The following SETX variants were observed in gnomAD, a reference collection of about 807,000 sequenced individuals.
SETX encodes helicase senataxin.
Under a neutral mutation model 227.2 loss-of-function variants are expected in SETX, and 90 were observed. The ratio of observed to expected loss-of-function variants is 0.40; its 90% CI spans 0.33 to 0.47. The LOEUF (loss-of-function observed/expected upper bound fraction) is 0.47. Ranked by LOEUF, SETX falls within the 20% of genes least tolerant of loss-of-function variation. The probability of loss-of-function intolerance (pLI) is 0.91; values close to 1 mark genes in which losing one functional copy is unlikely to be tolerated. For missense variants in SETX, 3,052 were observed against 3,181.5 expected, an observed-to-expected ratio of 0.96 and a Z score of 0.98; for synonymous variants, 1,210 against 1,113.2, an observed-to-expected ratio of 1.09 and a Z score of -1.73.
In SETX at chr9:132,296,903, T is replaced by C. The variant is rs752500112; in HGVS notation, c.5933A>G (p.Tyr1978Cys). ...GKSKTIVGLL[Y>C]RLLTENQRKG... ...CATACCTACCTCTGTCAGTAGACGA[T>C]AGAGGAGGCCAACAATAGTTTTTGA... The change falls in exon 14 of 26, where the codon TAT (tyrosine) becomes TGT (cysteine). Residue 1978 changes from tyrosine to cysteine, a missense_variant. Tyr to Cys is a radical substitution (Grantham distance 194, BLOSUM62 -2). Transcript: ENST00000224140. 1.1e-5 allele frequency: 17 copies of C among 1,613,950 alleles called. No homozygotes were observed. The highest frequency in any genetic ancestry group is 1.0e-4 in the Admixed American group (6 of 60,000).
chr9:132,325,373 AAAAG>A lies in SETX; in HGVS notation c.5274+947_5274+950del, dbSNP rs535430429. ...TCGTCTCAAAAAAAAGAAAAAAGAA[AAAAG>A]AAAGAAAGAAACTGGGAAGTCTGAC... is the stretch of plus-strand genomic sequence containing the variant. On this transcript the variant is annotated intron_variant, in intron 10 of 25. Coordinates refer to ENST00000224140, the MANE Select transcript of SETX (RefSeq NM_015046.7). 4.0e-4 allele frequency among the ~76,000 whole-genome samples: 61 copies of A among 151,054 alleles called. 1 individual carries two copies. The South Asian group carries it at 6.7e-3, about 17-fold the overall frequency.
intron 19 of SETX, among the ~76,000 whole-genome samples, chr9:132,282,596 C>A (rs1487314850): frequency 1.3e-5 from 2 of 152,074 alleles, no homozygotes; most frequent in Non-Finnish European, 2.9e-5. Flanking sequence ...AGGCCCTTTT[C>A]AAAACTTTGT....
intron 10 of SETX, among the ~76,000 whole-genome samples, chr9:132,322,083 C>T (rs902626960): frequency 6.6e-6 from 1 of 152,168 alleles, no homozygotes; most frequent in African/African-American, 2.4e-5. Flanking sequence ...CTTCAGATCA[C>T]GTTTGCCTTC....
rs1418134531 is a variant in SETX, at chr9:132,263,181, A to AT, written c.*1057dup. On this transcript the variant is annotated 3_prime_UTR_variant, in exon 26 of 26. Transcript: ENST00000224140. ...TTCTGAACTCCTCTGGTTACGCTTC[A>AT]TTTTAAATCGGGTGCTTCTTTCCCG... 1 of 152,236 alleles carries AT rather than the reference A, an allele frequency of 6.6e-6. No individual in the cohort carries two copies. Among genetic ancestry groups the AT allele is most frequent in the Non-Finnish European group, 1.5e-5 (1 of 68,046 alleles). 9.4% of individuals were successfully genotyped at this position (152,236 alleles called of 1,614,324 possible). A position where few individuals can be genotyped will look rare whatever the true frequency, so the allele number is the denominator to read the frequency against.
chr9:132,349,973 T>C (rs1030008053), intron 2 of SETX, among the ~76,000 whole-genome samples: 7 of 152,132 alleles, frequency 4.6e-5, no homozygotes, highest in African/African-American at 1.4e-4. Flanking sequence ...CACAATATAT[T>C]GGTGGTAATA....
intron 10 of SETX, among the ~76,000 whole-genome samples, chr9:132,317,181 A>C (rs1589714375): frequency 6.6e-6 from 1 of 152,246 alleles, no homozygotes; most frequent in African/African-American, 2.4e-5. Flanking sequence ...AGTTACTAAC[A>C]GGTGTGCAGT....
chr9:132,320,371 T>G (rs1846240639), intron 10 of SETX, among the ~76,000 whole-genome samples: 1 of 151,958 alleles, frequency 6.6e-6, no homozygotes, highest in East Asian at 1.9e-4. Flanking sequence ...GTCAGAAGAT[T>G]GAGACCATCC....
In SETX at chr9:132,333,408, A is replaced by ATATAT. The variant is rs1461021497; in HGVS notation, c.838+1199_838+1200insATATA. 5.8e-3 allele frequency among the ~76,000 whole-genome samples: 415 copies of ATATAT among 72,110 alleles called. 14 individuals carry two copies. Among genetic ancestry groups the ATATAT allele is most frequent in the African/African-American group, 7.9e-3 (132 of 16,740 alleles). The allele number at this position is 72,110 out of a possible 152,430, so 47.3% of individuals were successfully genotyped here. On this transcript the variant is annotated intron_variant, in intron 7 of 25. Transcript: ENST00000224140. ...GAAAAAAAAAAAAAAGAAAAAAAAA[A>ATATAT]ATATATATACACACACACACACACA... is the stretch of plus-strand genomic sequence containing the variant.
intron 11 of SETX, among the ~76,000 whole-genome samples, chr9:132,306,162 T>C (rs1279861901): frequency 6.6e-6 from 1 of 152,158 alleles, no homozygotes; most frequent in Non-Finnish European, 1.5e-5. Context: ...TTAGCTCTAT[T>C]TTACAATACA....
intron 12 of SETX, among the ~76,000 whole-genome samples, chr9:132,298,682 T>C (rs1337646326): frequency 6.6e-6 from 1 of 151,974 alleles, no homozygotes; most frequent in Non-Finnish European, 1.5e-5. Context: ...AGAGGGTAAA[T>C]AGTACTACAT....
Position 132,327,848 on chromosome 9 carries a change from T to A in SETX, c.3750A>T (p.Lys1250Asn). 2 of 1,614,188 alleles carry A rather than the reference T, an allele frequency of 1.2e-6. No homozygotes were observed. The highest frequency in any genetic ancestry group is 1.7e-6 in the Non-Finnish European group (2 of 1,180,032). The change falls in exon 10 of 26, where the codon AAA (lysine) becomes AAT (asparagine). Residue 1250 changes from lysine (K) to asparagine (N), a missense_variant. This residue lies in a region of SETX where 1,483 missense variants were observed against 1,312.0 expected (regional missense o/e 1.13). Coordinates refer to ENST00000224140, the MANE Select transcript of SETX (RefSeq NM_015046.7). ...AATTTGAACTTCTATTCTGTCCTTT[T>A]TTGGCATCTGAATGAGTTTTCTTAG... is the stretch of plus-strand genomic sequence containing the variant. ...KTPKKTHSDA[K>N]KGQNRSSNYL...
chr9:132,288,386 T>C (rs1844057984), intron 16 of SETX, 35 bp from the exon 17 acceptor site: 4 of 1,520,820 alleles, frequency 2.6e-6, no homozygotes, highest in Non-Finnish European at 2.7e-6. Context: ...TTATATGCTA[T>C]TCTAATTCTA....
intron 7 of SETX, among the ~76,000 whole-genome samples, chr9:132,332,687 C>T (rs1847315202): frequency 6.6e-6 from 1 of 152,096 alleles, no homozygotes; most frequent in African/African-American, 2.4e-5. Context: ...TTTGGGAGGC[C>T]GAGGCAGGAG....
chr9:132,285,064 A>C (rs1843768323), intron 18 of SETX, among the ~76,000 whole-genome samples: 1 of 152,000 alleles, frequency 6.6e-6, no homozygotes, highest in Non-Finnish European at 1.5e-5. Flanking sequence ...ATTTTATTAG[A>C]GACGGGGTTT....
chr9:132,297,279 G>A (rs1301416528), intron 13 of SETX, among the ~76,000 whole-genome samples: 3 of 152,138 alleles, frequency 2.0e-5, no homozygotes, highest in Admixed American at 6.6e-5. Flanking sequence ...TGTCTGTAAC[G>A]CTTCAAGTAC....
rs753447156 is a variant in SETX, at chr9:132,346,398, T to A, written c.251A>T (p.Asp84Val). The change falls in exon 4 of 26, where the codon GAT (aspartate) becomes GTT (valine). Residue 84 changes from aspartate (D) to valine (V), a missense_variant. Physicochemically the swap from Asp to Val is radical, Grantham distance 152 (BLOSUM62 -3). This residue lies in a region of SETX where 152 missense variants were observed against 156.2 expected (regional missense o/e 0.97). Coordinates refer to ENST00000224140, the MANE Select transcript of SETX (RefSeq NM_015046.7). The stretch of plus-strand genomic sequence containing the variant: ...ATTGTCTACTATATATAACTCATCA[T>A]CATCTCCAATTTCTGCCTTCATGGA... ...EKSMKAEIGD[D>V]DELYIVDNNG... is the part of the protein sequence containing the mutation. 6.2e-7 allele frequency: 1 copy of A among 1,613,904 alleles called. No homozygotes were observed. Among genetic ancestry groups the A allele is most frequent in the Non-Finnish European group, 8.5e-7 (1 of 1,179,806 alleles).
At chr9:132,339,038 C>T (rs1847807753) in intron 5 of SETX, among the ~76,000 whole-genome samples, 3 of 152,216 alleles carry the variant, frequency 2.0e-5, no homozygotes, top group African/African-American at 7.2e-5. Flanking sequence ...CCTGGGCTTT[C>T]GAGCATGAGC....
chr9:132,312,300 T>G (rs1845711052), intron 10 of SETX, among the ~76,000 whole-genome samples: 1 of 152,154 alleles, frequency 6.6e-6, no homozygotes, highest in Non-Finnish European at 1.5e-5. Context: ...CAACATGTCA[T>G]CCTGCCAGTT....
At chr9:132,320,660 T>C (rs1163653784) in intron 10 of SETX, among the ~76,000 whole-genome samples, 1 of 149,878 alleles carries the variant, frequency 6.7e-6, no homozygotes, top group Non-Finnish European at 1.5e-5. Flanking sequence ...TATTGGCCTG[T>C]ATAAACCAGA....
Sources: allele counts gnomAD v4.1 joint callset (sites outside exome capture counted in the v4.1 genomes callset), GRCh38; gene constraint gnomAD v4.1.1; regional missense constraint gnomAD v4.1.1; transcripts MANE v1.5; gene names NCBI Gene and HGNC (gene_info 2026-07-23, HGNC 2026-07-21).